Variants in KASH5 observed in about 807,000 individuals in gnomAD.
KASH5 encodes the protein protein KASH5.
Under a neutral mutation model 84.2 loss-of-function variants are expected in KASH5, and 72 were observed. The observed-to-expected ratio is 0.85, with a 90% CI of 0.71 to 1.04. The LOEUF (loss-of-function observed/expected upper bound fraction) is 1.04. Among genes scored for constraint, KASH5 ranks in the 50% least tolerant of loss-of-function variants. KASH5 has a pLI of 0.00. For missense variants in KASH5, 650 were observed against 701.0 expected (o/e 0.93, Z 0.82); for synonymous variants, 260 against 279.1 (o/e 0.93, Z 0.68).
intron 9 of KASH5, among the ~76,000 whole-genome samples, chr19:49,402,949 AGGTGGTCTCTGGGAGGTTT>A (rs1974409513): frequency 1.9e-5 from 2 of 103,968 alleles, no homozygotes; most frequent in Admixed American, 1.9e-4. Context: ...TCTGGGAAGA[AGGTGGTCTCTGGGAGGTTT>A]GGTGGCTCCC....
chr19:49,399,350 G>A lies in KASH5; in HGVS notation c.748-107G>A. The A allele has an allele frequency of 8.5e-7, 1 of 1,182,628 alleles. No homozygotes were observed. The highest frequency in any genetic ancestry group is 1.4e-5 in the South Asian group (1 of 71,856). 73.3% of individuals were successfully genotyped at this position (1,182,628 alleles called of 1,614,324 possible). ...CAGCAGGAGCCATCAGGGCTTCCCA[G>A]ACCCATTCCCCCAGGCCCTGGTTGT... is the stretch of plus-strand genomic sequence containing the variant. On this transcript the variant is annotated intron_variant, in intron 8 of 19. Coordinates refer to ENST00000447857, the MANE Select transcript of KASH5 (RefSeq NM_144688.5). The surrounding 1 kb of genome is among the most constrained non-coding windows in gnomAD (Gnocchi z 4.4).
At position 49,416,553 on chromosome 19, in the gene KASH5, A is replaced by T. The variant is rs1974909686; in HGVS notation, c.1375-462A>T. ...ATTCTGGCATAGGCAGGAAGACAGG[A>T]TTCTTCATGAGGCCCAGCACAGGGG... On this transcript the variant is annotated intron_variant, in intron 17 of 19. Coordinates refer to ENST00000447857, the MANE Select transcript of KASH5 (RefSeq NM_144688.5). This position sits in a 1 kb window ranked among gnomAD's most constrained non-coding sequence, Gnocchi z 5.4. Among the ~76,000 whole-genome samples, 1 of 152,192 alleles carries T rather than the reference A, an allele frequency of 6.6e-6. No homozygotes were observed.
intron 9 of KASH5, among the ~76,000 whole-genome samples, chr19:49,402,276 G>C (rs1014185480): frequency 4.6e-5 from 7 of 151,850 alleles, no homozygotes; most frequent in Admixed American, 2.0e-4. Flanking sequence ...TTCCGGCTGG[G>C]CATGGTGGCT....
At chr19:49,398,692 A>AGT (rs542511554) in intron 7 of KASH5, among the ~76,000 whole-genome samples, 1 of 151,166 alleles carries the variant, frequency 6.6e-6, no homozygotes, top group Admixed American at 6.6e-5. Flanking sequence ...TTATTCTTTA[A>AGT]CTCTCTGATT....
chr19:49,416,445 C>T lies in KASH5; in HGVS notation c.1375-570C>T, dbSNP rs1404993893. Among the ~76,000 whole-genome samples, 1 of 152,196 alleles carries T rather than the reference C, an allele frequency of 6.6e-6. No homozygotes were observed. The highest frequency in any genetic ancestry group is 1.5e-5 in the Non-Finnish European group (1 of 68,042). Reference sequence around the variant, plus strand: ...TGACCTTGTGATCCGCCCGCTTCAGCCTCCCAAAGTGCCGGGATTACAGGC... The same window carrying T: ...TGACCTTGTGATCCGCCCGCTTCAGTCTCCCAAAGTGCCGGGATTACAGGC... On this transcript the variant is annotated intron_variant, in intron 17 of 19. Coordinates refer to ENST00000447857, the MANE Select transcript of KASH5 (RefSeq NM_144688.5). This position sits in a 1 kb window ranked among gnomAD's most constrained non-coding sequence, Gnocchi z 5.4.
At chr19:49,406,568 G>A (rs566351810) in intron 9 of KASH5, among the ~76,000 whole-genome samples, 1 of 152,202 alleles carries the variant, frequency 6.6e-6, no homozygotes, top group African/African-American at 2.4e-5. Context: ...GTAGAGACGG[G>A]GTTTCACCAT....
intron 13 of KASH5, 25 bp downstream of exon 13, chr19:49,409,056 A>C: frequency 6.3e-7 from 1 of 1,582,716 alleles, no homozygotes; most frequent in Non-Finnish European, 8.6e-7. Flanking sequence ...AAGGGGTAGG[A>C]GGAGGCAGGA....
rs1439538179 is a variant in KASH5, at chr19:49,399,878, C to T, written c.798+371C>T. The T allele has an allele frequency of 2.1e-5, 6 of 286,186 alleles. No homozygotes were observed. In the East Asian group the frequency reaches 3.1e-4, roughly 15 times the overall value. 17.7% of individuals were successfully genotyped at this position (286,186 alleles called of 1,614,324 possible). A position where few individuals can be genotyped will look rare whatever the true frequency, so the allele number is the denominator to read the frequency against. ...AAAGTCTTGGGCACAAGGTAGGACA[C>T]ATAGGATGTGCTCACTAAAAGTTAT... On this transcript the variant is annotated intron_variant, in intron 9 of 19. Transcript: ENST00000447857. This position sits in a 1 kb window ranked among gnomAD's most constrained non-coding sequence, Gnocchi z 4.4.
In KASH5 at chr19:49,417,164, C is replaced by G. The variant is rs542577351; in HGVS notation, c.1445C>G (p.Ala482Gly). ...DIPENPPERP[A>G]RRELQQALVP... The stretch of plus-strand genomic sequence containing the variant: ...TCCCTCCTTCACCCCAGCAGACCTG[C>G]GCGGCGGGAACTCCAGCAAGCCCTG... The change falls in exon 19 of 20, where the codon GCG becomes GGG. Residue 482 changes from alanine (A) to glycine (G), a missense_variant. By Grantham distance (60) the Ala-to-Gly change is moderately conservative. Coordinates refer to ENST00000447857, the MANE Select transcript of KASH5 (RefSeq NM_144688.5). The surrounding 1 kb of genome is among the most constrained non-coding windows in gnomAD (Gnocchi z 5.2). 6.2e-7 allele frequency: 1 copy of G among 1,613,574 alleles called. No individual in the cohort carries two copies.
Position 49,398,096 on chromosome 19 carries a change from A to T in KASH5, c.582A>T (p.Ser194=). ...GCATGGAGACAGCTGAGGAGGGGTC[A>T]GCACGCCTTGGGGAGGAGATCTTGG... is the stretch of plus-strand genomic sequence containing the variant. The part of the protein sequence containing the change: ...QRSMETAEEG[S]ARLGEEILAL... Residue 194 remains serine (S), a synonymous_variant, in exon 7 of 20, where the codon TCA becomes TCT. Coordinates refer to ENST00000447857, the MANE Select transcript of KASH5 (RefSeq NM_144688.5). The T allele has an allele frequency of 6.2e-7, 1 of 1,609,558 alleles. No individual in the cohort carries two copies. Among genetic ancestry groups the T allele is most frequent in the Non-Finnish European group, 8.5e-7 (1 of 1,176,422 alleles).
In KASH5 at chr19:49,394,555, C is replaced by T. The variant is rs761132311; in HGVS notation, c.123C>T (p.Phe41=). Residue 41 remains phenylalanine, a synonymous_variant, in exon 3 of 20, where the codon TTC becomes TTT. Transcript: ENST00000447857. ...SLEEQILNST[F]EACDPQRTGT... The stretch of plus-strand genomic sequence containing the variant: ...AGGAGCAAATACTCAACTCCACGTT[C>T]GAAGCTTGTGACCCTCAGAGGACAG... 9.9e-6 allele frequency: 16 copies of T among 1,613,568 alleles called. No homozygotes were observed. The highest frequency in any genetic ancestry group is 3.3e-4 in the Middle Eastern group (2 of 6,060).
At position 49,407,790 on chromosome 19, in the gene KASH5, A is replaced by G. The variant is rs1385122620; in HGVS notation, c.993+119A>G. The G allele has an allele frequency of 7.4e-6, 7 of 940,550 alleles. No individual in the cohort carries two copies. In the East Asian group the frequency reaches 1.6e-4, roughly 21 times the overall value. 58.3% of individuals were successfully genotyped at this position (940,550 alleles called of 1,614,324 possible). On this transcript the variant is annotated intron_variant, in intron 12 of 19. Coordinates refer to ENST00000447857, the MANE Select transcript of KASH5 (RefSeq NM_144688.5). ...TCAGTGGCCACATCTTGCTTCTTCC[A>G]TCCTTGATGTATGACTGTATGACTG...
chr19:49,399,586 A>G lies in KASH5; in HGVS notation c.798+79A>G, dbSNP rs1600913453. The G allele has an allele frequency of 1.9e-6, 3 of 1,553,520 alleles. No homozygotes were observed. The highest frequency in any genetic ancestry group is 1.4e-5 in the African/African-American group (1 of 73,300). On this transcript the variant is annotated intron_variant, in intron 9 of 19. Transcript: ENST00000447857. This position sits in a 1 kb window ranked among gnomAD's most constrained non-coding sequence, Gnocchi z 4.4. ...TTGACACCACTCCCTTCTGCCCCCAACACCCCAGCAGCCTGTCTTGGGGAG... is the reference window on the plus strand; with the variant it reads ...TTGACACCACTCCCTTCTGCCCCCAGCACCCCAGCAGCCTGTCTTGGGGAG...
At chr19:49,397,097 T>C (rs1470947382) in intron 5 of KASH5, among the ~76,000 whole-genome samples, 1 of 151,592 alleles carries the variant, frequency 6.6e-6, no homozygotes, top group Non-Finnish European at 1.5e-5. Flanking sequence ...TCCATTTCTC[T>C]AGCCATACAA....
intron 2 of KASH5, among the ~76,000 whole-genome samples, chr19:49,392,773 C>A (rs1432095937): frequency 6.6e-6 from 1 of 151,986 alleles, no homozygotes; most frequent in Non-Finnish European, 1.5e-5. Flanking sequence ...TTAGCTGGGC[C>A]TGGTAGCAGG....
intron 15 of KASH5, among the ~76,000 whole-genome samples, chr19:49,411,757 G>A (rs1259061690): frequency 1.3e-5 from 2 of 152,174 alleles, no homozygotes; most frequent in Non-Finnish European, 2.9e-5. Context: ...TTGCCCCAGT[G>A]CAGAATGATC....
intron 9 of KASH5, among the ~76,000 whole-genome samples, chr19:49,406,115 CA>C (rs1974517616): frequency 2.1e-5 from 2 of 93,600 alleles, no homozygotes; most frequent in Non-Finnish European, 4.2e-5. Context: ...GCAACAAAAG[CA>C]AAACTCTGGC....
chr19:49,412,867 T>TA lies in KASH5; in HGVS notation c.1270-100dup. Reference sequence around the variant, plus strand: ...AGGTTGCAGCCTGGAAGACCTTTTGTATATGGGGTCTGGGACCGGCGGGGG... The same window carrying TA: ...AGGTTGCAGCCTGGAAGACCTTTTGTAATATGGGGTCTGGGACCGGCGGGGG... On this transcript the variant is annotated intron_variant, in intron 15 of 19. Transcript: ENST00000447857. The surrounding 1 kb of genome is among the most constrained non-coding windows in gnomAD (Gnocchi z 4.6). The TA allele has an allele frequency of 8.6e-7, 1 of 1,164,162 alleles. No individual in the cohort carries two copies. Among genetic ancestry groups the TA allele is most frequent in the Non-Finnish European group, 1.3e-6 (1 of 791,544 alleles). 72.1% of individuals were successfully genotyped at this position (1,164,162 alleles called of 1,614,324 possible). A position where few individuals can be genotyped will look rare whatever the true frequency, so the allele number is the denominator to read the frequency against.
intron 5 of KASH5, among the ~76,000 whole-genome samples, chr19:49,396,619 T>G (rs1281043185): frequency 2.6e-5 from 4 of 152,168 alleles, no homozygotes; most frequent in Non-Finnish European, 5.9e-5. Context: ...TTGCTCCCCA[T>G]GCTCACTCCT....
Sources: allele counts gnomAD v4.1 joint callset (sites outside exome capture counted in the v4.1 genomes callset), GRCh38; gene constraint gnomAD v4.1.1; non-coding constraint Gnocchi (gnomAD v3.1); transcripts MANE v1.5; gene names NCBI Gene and HGNC (gene_info 2026-07-23, HGNC 2026-07-21).